Variants in RIPOR1 observed in about 807,000 individuals in gnomAD.
The protein encoded by RIPOR1 is rho family-interacting cell polarization regulator 1.
RIPOR1 carries 58 observed loss-of-function variants against 116.5 expected under a neutral mutation model. The ratio of observed to expected loss-of-function variants is 0.50; its 90% confidence interval spans 0.40 to 0.62. The LOEUF (loss-of-function observed/expected upper bound fraction) is 0.62, where lower values mean the gene tolerates loss of function less well. Among genes scored for constraint, RIPOR1 ranks in the 20% least tolerant of loss-of-function variants. The pLI is 0.00. For synonymous variants in RIPOR1, 605 were observed against 650.0 expected, an observed-to-expected ratio of 0.93 and a Z score of 1.05; for missense variants, 1,372 against 1,586.2, an observed-to-expected ratio of 0.86 and a Z score of 2.29.
chr16:67,538,849 C>A, intron 3 of RIPOR1, 25 bp downstream of exon 3: 1 of 1,611,570 alleles, frequency 6.2e-7, no homozygotes, highest in Non-Finnish European at 8.5e-7. Context: ...TGTTCCCAGC[C>A]CTGTCCCGGG....
At chr16:67,539,160 A>G in intron 4 of RIPOR1, 92 bp downstream of exon 4, 3 of 1,076,184 alleles carry the variant, frequency 2.8e-6, no homozygotes, top group Non-Finnish European at 4.1e-6. Context: ...TATTTTCTGA[A>G]GTGATCTGGT....
At chr16:67,522,715 A>C (rs2050505502) in intron 1 of RIPOR1, among the ~76,000 whole-genome samples, 1 of 149,602 alleles carries the variant, frequency 6.7e-6, no homozygotes. Flanking sequence ...CACCCCACTC[A>C]CCTCTCAGAC....
In RIPOR1 at chr16:67,538,752, C is replaced by T; in HGVS notation, c.185C>T (p.Ala62Val). Residue 62 changes from alanine (A) to valine (V), a missense_variant, in exon 3 of 22, where the codon GCT becomes GTT. Ala to Val is a moderately conservative substitution (Grantham distance 64). This residue lies in a region of RIPOR1 where 165 missense variants were observed against 145.5 expected (regional missense o/e 1.13). Transcript: ENST00000042381. ...CGAGTGTCCAGGATGTTTTCCGTGG[C>T]TCACCCAGCCGCCAAGGTGCCGCAG... is the stretch of plus-strand genomic sequence containing the variant. Reference protein sequence around the residue: ...LSRVSRMFSVAHPAAKVPQPE... With the variant: ...LSRVSRMFSVVHPAAKVPQPE... 3 of 1,613,494 alleles carry T rather than the reference C, an allele frequency of 1.9e-6. No individual in the cohort carries two copies. Among genetic ancestry groups the T allele is most frequent in the Non-Finnish European group, 1.7e-6 (2 of 1,179,954 alleles).
At chr16:67,523,521 T>TAAAAAAAAAAAAAAAAAAAAAAAAA (rs1169903442) in intron 1 of RIPOR1, among the ~76,000 whole-genome samples, 1 of 44,044 alleles carries the variant, frequency 2.3e-5, no homozygotes, top group African/African-American at 7.0e-5. Context: ...CAAGACTCCA[T>TAAAAAAAAAAAAAAAAAAAAAAAAA]AAAAAAAAAA....
At chr16:67,523,429 G>A (rs2050511269) in intron 1 of RIPOR1, among the ~76,000 whole-genome samples, 1 of 149,742 alleles carries the variant, frequency 6.7e-6, no homozygotes, top group African/African-American at 2.5e-5. Context: ...GGGAGGCTGA[G>A]GCATGAGAAT....
At chr16:67,519,695 G>A (rs778068948) in intron 1 of RIPOR1, among the ~76,000 whole-genome samples, 3 of 152,076 alleles carry the variant, frequency 2.0e-5, no homozygotes, top group Non-Finnish European at 2.9e-5. Flanking sequence ...GGAGGTGTCC[G>A]AAGGTCATCC....
At position 67,546,149 on chromosome 16, in the gene RIPOR1, G is replaced by A. The variant is rs2051160458; in HGVS notation, c.3480G>A (p.Glu1160=). The A allele has an allele frequency of 1.2e-6, 2 of 1,613,812 alleles. No individual in the cohort carries two copies. The highest frequency in any genetic ancestry group is 1.7e-6 in the Non-Finnish European group (2 of 1,179,956). The change falls in exon 21 of 22, where the codon GAG becomes GAA. Residue 1160 remains glutamate (E), a synonymous_variant. Transcript: ENST00000042381. ...GCTCCCTCCCCTGACAGGCTCCCGA[G>A]GGCATTGAGCCCCTGGTGTACCTCT... ...CLALGCIKAP[E]GIEPLVYLCQ...
At chr16:67,535,614 C>T (rs1441069939) in intron 1 of RIPOR1, among the ~76,000 whole-genome samples, 1 of 152,192 alleles carries the variant, frequency 6.6e-6, no homozygotes, top group East Asian at 1.9e-4. Context: ...GTGACTGGCA[C>T]ATGCTTGGCA....
rs2051060354 is a variant in RIPOR1, at chr16:67,543,424, T to A, written c.2555T>A (p.Phe852Tyr). 2.5e-6 allele frequency: 4 copies of A among 1,569,824 alleles called. No homozygotes were observed. Among genetic ancestry groups the A allele is most frequent in the Non-Finnish European group, 3.5e-6 (4 of 1,156,858 alleles). Residue 852 changes from phenylalanine to tyrosine, a missense_variant, in exon 14 of 22, where the codon TTC (phenylalanine) becomes TAC (tyrosine). Physicochemically the swap from Phe to Tyr is conservative, Grantham distance 22. Coordinates refer to ENST00000042381, the MANE Select transcript of RIPOR1 (RefSeq NM_024519.4). The surrounding 1 kb of genome is among the most constrained non-coding windows in gnomAD (Gnocchi z 4.7). The stretch of plus-strand genomic sequence containing the variant: ...GAGCATGCCTTGGAGAGCTTCAGCT[T>A]CCTCAATGAAGACGAAGATGAAGAC... The part of the protein sequence containing the change: ...TVEHALESFS[F>Y]LNEDEDEDND...
In RIPOR1 at chr16:67,537,623, A is replaced by G; in HGVS notation, c.-23-801A>G. On this transcript the variant is annotated intron_variant, in intron 1 of 21. Coordinates refer to ENST00000042381, the MANE Select transcript of RIPOR1 (RefSeq NM_024519.4). This position sits in a 1 kb window ranked among gnomAD's most constrained non-coding sequence, Gnocchi z 4.6. ...GTAGGACCCAGCTCGGGGCTGCGAA[A>G]GCTCAGGGACTGGCCCCAGGGGAAG... is the stretch of plus-strand genomic sequence containing the variant. 7.2e-7 allele frequency: 1 copy of G among 1,390,482 alleles called. No individual in the cohort carries two copies. The highest frequency in any genetic ancestry group is 9.4e-7 in the Non-Finnish European group (1 of 1,064,742). The allele number at this position is 1,390,482 out of a possible 1,614,324, so 86.1% of individuals were successfully genotyped here.
intron 1 of RIPOR1, among the ~76,000 whole-genome samples, chr16:67,535,599 C>T (rs947144699): frequency 2.0e-5 from 3 of 152,208 alleles, no homozygotes; most frequent in African/African-American, 7.2e-5. Flanking sequence ...TGGGCTGTAT[C>T]TCCAGTGACT....
Position 67,538,506 on chromosome 16 carries a change from C to G in RIPOR1, c.60C>G (p.Ser20Arg), listed in dbSNP as rs1164118532. The change falls in exon 2 of 22, where the codon AGC becomes AGG. Residue 20 changes from serine to arginine, a missense_variant. Coordinates refer to ENST00000042381, the MANE Select transcript of RIPOR1 (RefSeq NM_024519.4). ...RRLLSARVNR[S>R]QSFAGVLGSH... ...TGCTCAGCGCCCGGGTCAATAGGAG[C>G]CAGTCCTTCGCAGGCGTCCTCGGCA... 1.2e-6 allele frequency: 2 copies of G among 1,612,068 alleles called. No individual in the cohort carries two copies. Among genetic ancestry groups the G allele is most frequent in the South Asian group, 1.1e-5 (1 of 90,992 alleles).
chr16:67,529,581 C>T lies in RIPOR1; in HGVS notation c.-24+667C>T. Reference sequence around the variant, plus strand: ...ACTGGTTTGGGCAAGGGGCTGCTCACCAGGGCTAGAGGTCGGATTCAGTCC... The same window carrying T: ...ACTGGTTTGGGCAAGGGGCTGCTCATCAGGGCTAGAGGTCGGATTCAGTCC... On this transcript the variant is annotated intron_variant, in intron 1 of 21. Transcript: ENST00000042381. The surrounding 1 kb of genome is among the most constrained non-coding windows in gnomAD (Gnocchi z 4.1). 1 of 583,344 alleles carries T rather than the reference C, an allele frequency of 1.7e-6. No homozygotes were observed. Among genetic ancestry groups the T allele is most frequent in the Admixed American group, 3.1e-5 (1 of 32,368 alleles). The allele number at this position is 583,344 out of a possible 1,614,324, so 36.1% of individuals were successfully genotyped here.
chr16:67,529,647 G>T lies in RIPOR1; in HGVS notation c.-24+733G>T. ...TGTCCTCCTCTCCAGGGTGAGCCCT[G>T]AGTCCGGCCTCCCCTACAGACCCTC... is the stretch of plus-strand genomic sequence containing the variant. On this transcript the variant is annotated intron_variant, in intron 1 of 21. Transcript: ENST00000042381. The surrounding 1 kb of genome is among the most constrained non-coding windows in gnomAD (Gnocchi z 4.1). The T allele has an allele frequency of 1.0e-6, 1 of 956,586 alleles. No individual in the cohort carries two copies. Among genetic ancestry groups the T allele is most frequent in the South Asian group, 1.6e-5 (1 of 61,608 alleles). 59.3% of individuals were successfully genotyped at this position (956,586 alleles called of 1,614,324 possible).
Position 67,537,539 on chromosome 16 carries a change from C to A in RIPOR1, c.-23-885C>A. 1 of 1,349,142 alleles carries A rather than the reference C, an allele frequency of 7.4e-7. No homozygotes were observed. Among genetic ancestry groups the A allele is most frequent in the South Asian group, 1.8e-5 (1 of 56,432 alleles). 83.6% of individuals were successfully genotyped at this position (1,349,142 alleles called of 1,614,324 possible). A position where few individuals can be genotyped will look rare whatever the true frequency, so the allele number is the denominator to read the frequency against. On this transcript the variant is annotated intron_variant, in intron 1 of 21. Coordinates refer to ENST00000042381, the MANE Select transcript of RIPOR1 (RefSeq NM_024519.4). This position sits in a 1 kb window ranked among gnomAD's most constrained non-coding sequence, Gnocchi z 4.6. ...GAAGTGGCCAGGGCCGGAAGGTCCG[C>A]GGGGGGCGAGCGCGGGTCGGGGGCC... is the stretch of plus-strand genomic sequence containing the variant.
chr16:67,541,228 TA>T lies in RIPOR1; in HGVS notation c.802-197del. The T allele has an allele frequency of 2.0e-4, 121 of 590,458 alleles. No individual in the cohort carries two copies. Among genetic ancestry groups the T allele is most frequent in the Middle Eastern group, 5.0e-4 (1 of 1,996 alleles). The allele number at this position is 590,458 out of a possible 1,614,324, so 36.6% of individuals were successfully genotyped here. ...CTACAGGTGCACCACCATGCCTGGC[TA>T]AAAATTTTTTTTTTTTTTTTTTTTG... On this transcript the variant is annotated intron_variant, in intron 10 of 21. Coordinates refer to ENST00000042381, the MANE Select transcript of RIPOR1 (RefSeq NM_024519.4). The surrounding 1 kb of genome is among the most constrained non-coding windows in gnomAD (Gnocchi z 4.6).
At chr16:67,528,089 G>A (rs889394299), upstream of RIPOR1, among the ~76,000 whole-genome samples, 12 of 152,076 alleles carry the variant, frequency 7.9e-5, no homozygotes, top group African/African-American at 2.9e-4. Flanking sequence ...GATGGGAGGA[G>A]CGGGGGAGTG....
At chr16:67,527,535 C>T (rs1231014592), upstream of RIPOR1, among the ~76,000 whole-genome samples, 2 of 151,896 alleles carry the variant, frequency 1.3e-5, no homozygotes, top group Non-Finnish European at 2.9e-5. Flanking sequence ...CGCTTGAGCC[C>T]AGTTAGAGAC....
chr16:67,542,348 C>G lies in RIPOR1; in HGVS notation c.1562C>G (p.Pro521Arg). Residue 521 changes from proline to arginine, a missense_variant, in exon 13 of 22, where the codon CCT becomes CGT. Physicochemically the swap from Pro to Arg is moderately radical, Grantham distance 103 (BLOSUM62 -2). Around this residue, in one of 3 missense-constraint regions of RIPOR1, gnomAD observed 1,005 missense variants for 1,144.7 expected, o/e 0.88. Coordinates refer to ENST00000042381, the MANE Select transcript of RIPOR1 (RefSeq NM_024519.4). This position sits in a 1 kb window ranked among gnomAD's most constrained non-coding sequence, Gnocchi z 4.6. ...TTGSVPTSTDPAPSAHLDSVH... is the reference protein window; with the variant it reads ...TTGSVPTSTDRAPSAHLDSVH... Reference sequence around the variant, plus strand: ...GGCTCTGTCCCCACATCTACAGACCCTGCCCCATCTGCACACCTAGACTCA... The same window carrying G: ...GGCTCTGTCCCCACATCTACAGACCGTGCCCCATCTGCACACCTAGACTCA... The G allele has an allele frequency of 6.2e-7, 1 of 1,613,928 alleles. No individual in the cohort carries two copies. Among genetic ancestry groups the G allele is most frequent in the South Asian group, 1.1e-5 (1 of 91,090 alleles).
Sources: allele counts gnomAD v4.1 joint callset (sites outside exome capture counted in the v4.1 genomes callset), GRCh38; gene constraint gnomAD v4.1.1; regional missense constraint gnomAD v4.1.1; non-coding constraint Gnocchi (gnomAD v3.1); transcripts MANE v1.5; gene names NCBI Gene and HGNC (gene_info 2026-07-23, HGNC 2026-07-21).